The following PGM1 variants were observed in gnomAD, a reference collection of about 807,000 sequenced individuals.
PGM1 encodes phosphoglucomutase 1, also known as phosphoglucomutase-1.
A neutral mutation model predicts 55.6 loss-of-function variants in PGM1; 52 were observed. That is an observed-to-expected ratio of 0.94 (90% CI 0.75 to 1.18). PGM1 has a LOEUF of 1.18. PGM1 is among the 50% of genes most tolerant of loss of function. PGM1 has a pLI of 0.00. For synonymous variants in PGM1, 287 were observed against 271.7 expected (o/e 1.06, Z -0.55); for missense variants, 724 against 729.3 (o/e 0.99, Z 0.08).
At chr1:63,604,985 T>A (rs907215172) in intron 1 of PGM1, among the ~76,000 whole-genome samples, 1 of 148,522 alleles carries the variant, frequency 6.7e-6, no homozygotes, top group Non-Finnish European at 1.5e-5. Context: ...TAGTTGTATA[T>A]TTACATATGT....
At chr1:63,638,351 A>G (rs540087779) in intron 6 of PGM1, among the ~76,000 whole-genome samples, 1 of 152,272 alleles carries the variant, frequency 6.6e-6, no homozygotes, top group South Asian at 2.1e-4. Context: ...TCTCTTCTTT[A>G]TAGATTGATT....
chr1:63,646,824 C>G (rs2100996825), intron 7 of PGM1, among the ~76,000 whole-genome samples: 1 of 152,228 alleles, frequency 6.6e-6, no homozygotes, highest in Admixed American at 6.5e-5. Flanking sequence ...GTGTATGTGT[C>G]TATGTGTATT....
intron 1 of PGM1, among the ~76,000 whole-genome samples, chr1:63,625,103 T>C (rs2100978113): frequency 6.6e-6 from 1 of 152,338 alleles, no homozygotes; most frequent in South Asian, 2.1e-4. Flanking sequence ...ATCTAGACTG[T>C]TGAGTGGATC....
intron 10 of PGM1, among the ~76,000 whole-genome samples, chr1:63,657,318 A>G (rs1444363163): frequency 6.6e-6 from 1 of 152,152 alleles, no homozygotes; most frequent in Non-Finnish European, 1.5e-5. Flanking sequence ...AGTTGTTACA[A>G]TTTTATGAAT....
At chr1:63,647,711 G>A (rs1649693245) in intron 7 of PGM1, among the ~76,000 whole-genome samples, 1 of 152,102 alleles carries the variant, frequency 6.6e-6, no homozygotes, top group African/African-American at 2.4e-5. Context: ...CCACAGCCTT[G>A]CAGTGAGACC....
chr1:63,630,125 T>C, intron 3 of PGM1, 37 bp downstream of exon 3: 1 of 1,606,514 alleles, frequency 6.2e-7, no homozygotes, highest in Non-Finnish European at 8.5e-7. Context: ...CCCACTCCTA[T>C]TTCCAAGTTG....
rs954201866 is a variant in PGM1, at chr1:63,634,771, A to G, written c.683-58A>G. The G allele has an allele frequency of 4.8e-6, 7 of 1,453,670 alleles. No homozygotes were observed. In the East Asian group the frequency reaches 1.6e-4, roughly 33 times the overall value. 90.0% of individuals were successfully genotyped at this position (1,453,670 alleles called of 1,614,324 possible). ...ATCCACCTCACCCCTGAATCCTCACATACTTTAAGGAGTTTTATTTTCTGA... is the reference window on the plus strand; with the variant it reads ...ATCCACCTCACCCCTGAATCCTCACGTACTTTAAGGAGTTTTATTTTCTGA... On this transcript the variant is annotated intron_variant, in intron 4 of 10. Coordinates refer to ENST00000371084, the MANE Select transcript of PGM1 (RefSeq NM_002633.3).
intron 1 of PGM1, among the ~76,000 whole-genome samples, chr1:63,617,128 G>T (rs116557438): frequency 6.6e-6 from 1 of 152,116 alleles, no homozygotes; most frequent in East Asian, 1.9e-4. Flanking sequence ...CCTTGCCCAC[G>T]GTCCCCTAGT....
chr1:63,654,967 CTT>C (rs58711467), intron 10 of PGM1, among the ~76,000 whole-genome samples: 5,559 of 131,436 alleles, frequency 0.042, 302 homozygotes, highest in African/African-American at 0.15. Flanking sequence ...ATGAATCTCT[CTT>C]TTTTTTTTTT....
rs1465877146 is a variant in PGM1 at position 63,634,934 on chromosome 1, A to G, written c.788A>G (p.Asp263Gly). 1.2e-6 allele frequency: 2 copies of G among 1,613,860 alleles called. No individual in the cohort carries two copies. The highest frequency in any genetic ancestry group is 1.7e-6 in the Non-Finnish European group (2 of 1,179,990). ...PLEDFGGHHPDPNLTYAADLV... is the reference protein window; with the variant it reads ...PLEDFGGHHPGPNLTYAADLV... The stretch of plus-strand genomic sequence containing the variant: ...GAGGACTTTGGAGGCCACCACCCTG[A>G]CCCCAACCTCACCTATGCAGCTGAC... The change falls in exon 5 of 11, where the codon GAC (aspartate) becomes GGC (glycine). Residue 263 changes from aspartate to glycine, a missense_variant. Physicochemically the swap from Asp to Gly is moderately conservative, Grantham distance 94. Around this residue, in one of 3 missense-constraint regions of PGM1, gnomAD observed 379 missense variants for 357.5 expected, o/e 1.06. Transcript: ENST00000371084.
intron 1 of PGM1, among the ~76,000 whole-genome samples, chr1:63,617,627 C>G (rs1293389562): frequency 6.8e-6 from 1 of 147,652 alleles, no homozygotes; most frequent in African/African-American, 2.5e-5. Flanking sequence ...CACGAGAACT[C>G]AGGAGGCTGA....
At chr1:63,625,877 C>A (rs1649002205) in intron 1 of PGM1, among the ~76,000 whole-genome samples, 1 of 152,004 alleles carries the variant, frequency 6.6e-6, no homozygotes, top group African/African-American at 2.4e-5. Flanking sequence ...TCATTCAGTC[C>A]CCAGAGCTCT....
chr1:63,627,360 C>T (rs1649052588), intron 1 of PGM1, among the ~76,000 whole-genome samples: 1 of 151,970 alleles, frequency 6.6e-6, no homozygotes, highest in South Asian at 2.1e-4. Flanking sequence ...TGGATCCAGC[C>T]AGGGTCGAGT....
At chr1:63,606,011 G>A (rs923725455) in intron 1 of PGM1, among the ~76,000 whole-genome samples, 1 of 152,144 alleles carries the variant, frequency 6.6e-6, no homozygotes, top group African/African-American at 2.4e-5. Context: ...TCATTTGCAG[G>A]CCACAGTAAA....
chr1:63,659,568 T>G lies in PGM1; in HGVS notation c.1600-18T>G, dbSNP rs974100663. The G allele has an allele frequency of 1.9e-6, 3 of 1,601,072 alleles. No individual in the cohort carries two copies. The African/African-American group carries it at 4.0e-5, about 21-fold the overall frequency. On this transcript the variant is annotated intron_variant, in intron 10 of 10. Transcript: ENST00000371084. Reference sequence around the variant, plus strand: ...TTAGAGGAAGTGATGGAAAAGCTTCTCTCTATGTCTTCCTCAGGTCATGTT... The same window carrying G: ...TTAGAGGAAGTGATGGAAAAGCTTCGCTCTATGTCTTCCTCAGGTCATGTT...
chr1:63,614,836 T>C (rs141313637), intron 1 of PGM1, among the ~76,000 whole-genome samples: 1 of 152,354 alleles, frequency 6.6e-6, no homozygotes, highest in Non-Finnish European at 1.5e-5. Context: ...ATTAAATAAG[T>C]TAATGCTTGT....
At chr1:63,603,176 C>A (rs1648290615) in intron 1 of PGM1, among the ~76,000 whole-genome samples, 1 of 152,332 alleles carries the variant, frequency 6.6e-6, no homozygotes, top group South Asian at 2.1e-4. Flanking sequence ...AAGTTACTGC[C>A]ACATGCATGG....
chr1:63,616,761 G>C lies in PGM1; in HGVS notation c.247-12664G>C, dbSNP rs374169377. The stretch of plus-strand genomic sequence containing the variant: ...TACTTCAGGAGTCTCTGTGAACATG[G>C]GATTCTGTAGAGCTCTAAGCCATCT... On this transcript the variant is annotated intron_variant, in intron 1 of 10. Transcript: ENST00000371084. Among the ~76,000 whole-genome samples the C allele has an allele frequency of 2.0e-5, 3 of 152,114 alleles. No individual in the cohort carries two copies. In the South Asian group the frequency reaches 6.2e-4, roughly 32 times the overall value.
chr1:63,656,571 GGTGT>G (rs10629750), intron 10 of PGM1, among the ~76,000 whole-genome samples: 26,128 of 144,234 alleles, frequency 0.18, 2,414 homozygotes, highest in Admixed American at 0.28. Context: ...AAGACATTGT[GGTGT>G]GTGTGTGTGT....
Sources: allele counts gnomAD v4.1 joint callset (sites outside exome capture counted in the v4.1 genomes callset), GRCh38; gene constraint gnomAD v4.1.1; regional missense constraint gnomAD v4.1.1; transcripts MANE v1.5; gene names NCBI Gene and HGNC (gene_info 2026-07-23, HGNC 2026-07-21).